PITPNM3: variants seen among roughly 807,000 people sequenced by gnomAD.
PITPNM3 encodes membrane-associated phosphatidylinositol transfer protein 3.
A neutral mutation model predicts 102.0 loss-of-function variants in PITPNM3; 26 were observed. The ratio of observed to expected loss-of-function variants is 0.25; its 90% CI spans 0.19 to 0.35. The LOEUF (loss-of-function observed/expected upper bound fraction) is 0.35. Among genes scored for constraint, PITPNM3 ranks in the 10% least tolerant of loss-of-function variants. The pLI, the probability that PITPNM3 is intolerant of heterozygous loss-of-function variation, is 1.00. For synonymous variants in PITPNM3, 578 were observed against 558.6 expected (o/e 1.03, Z -0.49); for missense variants, 1,083 against 1,346.1 (o/e 0.80, Z 3.06).
intron 15 of PITPNM3, 91 bp downstream of exon 15, chr17:6,464,564 T>C (rs1904664155): frequency 4.4e-6 from 6 of 1,368,124 alleles, no homozygotes; most frequent in Non-Finnish European, 6.1e-6. Context: ...AGCTCGGCCC[T>C]CTTGACACCC....
intron 3 of PITPNM3, among the ~76,000 whole-genome samples, chr17:6,523,210 G>A (rs1368527563): frequency 6.6e-6 from 1 of 152,134 alleles, no homozygotes; most frequent in Non-Finnish European, 1.5e-5. Context: ...GTGCAACATT[G>A]GTCATGCTTC....
intron 4 of PITPNM3, among the ~76,000 whole-genome samples, chr17:6,493,059 C>A (rs930380080): frequency 1.3e-5 from 2 of 152,132 alleles, no homozygotes; most frequent in East Asian, 3.9e-4. Flanking sequence ...ATCACATGAC[C>A]AAGAGTAGGT....
chr17:6,471,853 G>A (rs1905092674), intron 11 of PITPNM3, among the ~76,000 whole-genome samples: 1 of 152,200 alleles, frequency 6.6e-6, no homozygotes, highest in Admixed American at 6.5e-5. Context: ...GGATCCATGG[G>A]GGAGGGAGGT....
At chr17:6,494,529 A>T (rs2150596122) in intron 4 of PITPNM3, among the ~76,000 whole-genome samples, 1 of 152,350 alleles carries the variant, frequency 6.6e-6, no homozygotes, top group Non-Finnish European at 1.5e-5. Context: ...CATCCAGCAC[A>T]GGGCCTAGGA....
intron 14 of PITPNM3, among the ~76,000 whole-genome samples, chr17:6,467,653 A>G (rs1219971694): frequency 6.6e-6 from 1 of 152,192 alleles, no homozygotes; most frequent in Admixed American, 6.5e-5. Context: ...GTGTCTGTAC[A>G]ACCCTGTGCT....
intron 1 of PITPNM3, among the ~76,000 whole-genome samples, chr17:6,541,260 T>A (rs943656024): frequency 1.4e-5 from 2 of 146,108 alleles, no homozygotes; most frequent in Admixed American, 6.9e-5. Flanking sequence ...GAGGCCTGAA[T>A]AATAAGAAAA....
chr17:6,460,332 C>T (rs182489692), intron 18 of PITPNM3, among the ~76,000 whole-genome samples: 19 of 152,336 alleles, frequency 1.2e-4, no homozygotes, highest in African/African-American at 4.6e-4. Flanking sequence ...CCTTCCCTGC[C>T]CTCCCTGGAC....
In PITPNM3 at chr17:6,478,915, G is replaced by A. The variant is rs1367057022; in HGVS notation, c.588-179C>T. The A allele has an allele frequency of 6.2e-6, 4 of 642,538 alleles. No individual in the cohort carries two copies. Among genetic ancestry groups the A allele is most frequent in the Non-Finnish European group, 1.1e-5 (4 of 375,444 alleles). The allele number at this position is 642,538 out of a possible 1,614,324, so 39.8% of individuals were successfully genotyped here. On this transcript the variant is annotated intron_variant, in intron 6 of 19. Coordinates refer to ENST00000262483, the MANE Select transcript of PITPNM3 (RefSeq NM_031220.4). The surrounding 1 kb of genome is among the most constrained non-coding windows in gnomAD (Gnocchi z 4.4). ...CACAGGCAGTGTGGGGAGGAGAGGG[G>A]AAGAGGATTCAAGCCTACACTGACT...
intron 1 of PITPNM3, among the ~76,000 whole-genome samples, chr17:6,546,088 AG>A (rs1910006435): frequency 6.6e-6 from 1 of 152,228 alleles, no homozygotes; most frequent in Non-Finnish European, 1.5e-5. Flanking sequence ...TCAGCCTTGA[AG>A]GGGGGCTGTC....
intron 2 of PITPNM3, among the ~76,000 whole-genome samples, chr17:6,526,432 A>C (rs1405749964): frequency 2.6e-5 from 4 of 152,192 alleles, no homozygotes; most frequent in African/African-American, 9.7e-5. Context: ...CAGACATCAA[A>C]GGGTGTTGAG....
At chr17:6,494,484 G>A (rs1033167511) in intron 4 of PITPNM3, among the ~76,000 whole-genome samples, 5 of 152,200 alleles carry the variant, frequency 3.3e-5, no homozygotes, top group Admixed American at 6.5e-5. Flanking sequence ...CAGCCCATGC[G>A]CACCTGCACA....
At chr17:6,491,286 A>G (rs951187261) in intron 4 of PITPNM3, among the ~76,000 whole-genome samples, 1 of 152,140 alleles carries the variant, frequency 6.6e-6, no homozygotes, top group African/African-American at 2.4e-5. Flanking sequence ...CTGGCAGAAT[A>G]AGAAACTATC....
At chr17:6,466,161 G>A (rs868054329) in intron 14 of PITPNM3, among the ~76,000 whole-genome samples, 36 of 151,908 alleles carry the variant, frequency 2.4e-4, no homozygotes, top group Non-Finnish European at 4.9e-4. Context: ...CCGCTGTCCC[G>A]CCCCCCACAC....
At chr17:6,523,723 G>A (rs1908670506) in intron 3 of PITPNM3, among the ~76,000 whole-genome samples, 2 of 152,240 alleles carry the variant, frequency 1.3e-5, no homozygotes, top group African/African-American at 4.8e-5. Flanking sequence ...GAAGGAAAGA[G>A]CAGCAAAGGA....
At chr17:6,523,810 C>T (rs1433029569) in intron 3 of PITPNM3, among the ~76,000 whole-genome samples, 1 of 152,196 alleles carries the variant, frequency 6.6e-6, no homozygotes, top group Non-Finnish European at 1.5e-5. Context: ...TCAGAGCCCC[C>T]CCTTCTCGTG....
chr17:6,495,722 C>T (rs552680502), intron 4 of PITPNM3, among the ~76,000 whole-genome samples: 1 of 151,438 alleles, frequency 6.6e-6, no homozygotes, highest in African/African-American at 2.4e-5. Flanking sequence ...AGTTTTGAGG[C>T]GATGGCAGGA....
intron 3 of PITPNM3, among the ~76,000 whole-genome samples, chr17:6,507,056 C>T (rs1907564814): frequency 6.6e-6 from 1 of 152,138 alleles, no homozygotes; most frequent in African/African-American, 2.4e-5. Context: ...AGTATAAGCA[C>T]CTAACCTCAG....
intron 3 of PITPNM3, among the ~76,000 whole-genome samples, chr17:6,515,943 G>C (rs1908144561): frequency 6.6e-6 from 1 of 152,152 alleles, no homozygotes. Context: ...CACTTTGAGA[G>C]GCTGAGGCCG....
rs922132273 is a variant in PITPNM3 at position 6,455,387 on chromosome 17, G to A, written c.2876C>T (p.Pro959Leu). ...ESDKDHERPL[P>L]ALSWARGPPK... ...GGGCCCACGCGCCCAGCTGAGCGCC[G>A]GCAGCGGCCGCTCGTGGTCTTTGTC... is the stretch of plus-strand genomic sequence containing the variant. Residue 959 changes from proline to leucine, a missense_variant, in exon 20 of 20, where the codon CCG becomes CTG. Transcript: ENST00000262483. 6.3e-6 allele frequency: 10 copies of A among 1,592,938 alleles called. No homozygotes were observed. The highest frequency in any genetic ancestry group is 1.7e-5 in the Admixed American group (1 of 58,698).
Sources: gnomAD v4.1 joint callset for allele counts (sites outside exome capture counted in the v4.1 genomes callset) on GRCh38, gnomAD v4.1.1 for gene constraint, Gnocchi (gnomAD v3.1) non-coding constraint, MANE v1.5 for transcripts, NCBI Gene and HGNC (gene_info 2026-07-23, HGNC 2026-07-21) for gene names.